The following FMN2 variants were observed in gnomAD, a reference collection of about 807,000 sequenced individuals.
FMN2 encodes the protein formin-2.
A neutral mutation model predicts 142.3 loss-of-function variants in FMN2; 51 were observed. The observed-to-expected ratio is 0.36, with a 90% CI of 0.29 to 0.45. FMN2 has a LOEUF of 0.45. Ranked by LOEUF, FMN2 falls within the 20% of genes least tolerant of loss-of-function variation. The probability of loss-of-function intolerance (pLI) is 1.00; values close to 1 mark genes in which losing one functional copy is unlikely to be tolerated. For synonymous variants in FMN2, 882 were observed against 869.8 expected (o/e 1.01, Z -0.25); for missense variants, 1,936 against 2,122.8 (o/e 0.91, Z 1.73).
intron 11 of FMN2, 71 bp from the exon 12 acceptor site, chr1:240,333,816 C>T: frequency 1.7e-6 from 2 of 1,208,060 alleles, no homozygotes; most frequent in South Asian, 1.5e-5. Flanking sequence ...TCACTAGAAT[C>T]TTTTTTGGTA....
intron 6 of FMN2, among the ~76,000 whole-genome samples, chr1:240,253,950 G>T (rs560438708): frequency 6.6e-6 from 1 of 152,294 alleles, no homozygotes; most frequent in Non-Finnish European, 1.5e-5. Context: ...TGATGAGGAT[G>T]CTAGGTGGGC....
At chr1:240,318,172 T>C (rs1324828664) in intron 8 of FMN2, among the ~76,000 whole-genome samples, 1 of 152,192 alleles carries the variant, frequency 6.6e-6, no homozygotes, top group Non-Finnish European at 1.5e-5. Flanking sequence ...GGCCCCCAGA[T>C]ACCAGGTTGA....
chr1:240,361,136 T>TAAATAA (rs1558452443), intron 14 of FMN2, among the ~76,000 whole-genome samples: 8 of 19,590 alleles, frequency 4.1e-4, no homozygotes, highest in African/African-American at 3.2e-3. Context: ...TAAATAAATA[T>TAAATAA]ATGTGTATAT....
chr1:240,286,597 T>A (rs1669598576), intron 7 of FMN2, among the ~76,000 whole-genome samples: 1 of 152,186 alleles, frequency 6.6e-6, no homozygotes, highest in African/African-American at 2.4e-5. Flanking sequence ...CATCTCATCT[T>A]CTTTCTTCCA....
intron 1 of FMN2, among the ~76,000 whole-genome samples, chr1:240,103,788 T>C (rs1661494863): frequency 6.6e-6 from 1 of 152,196 alleles, no homozygotes; most frequent in Admixed American, 6.5e-5. Flanking sequence ...TGGGTTCCGG[T>C]ATAGAAACAT....
chr1:240,361,862 T>G (rs1177595024), intron 14 of FMN2, among the ~76,000 whole-genome samples: 3 of 152,142 alleles, frequency 2.0e-5, no homozygotes, highest in Non-Finnish European at 4.4e-5. Flanking sequence ...GAGAATAGCA[T>G]TTTTAGGATG....
chr1:240,250,699 G>C (rs148055053), intron 6 of FMN2, among the ~76,000 whole-genome samples: 4 of 152,044 alleles, frequency 2.6e-5, no homozygotes, highest in Non-Finnish European at 5.9e-5. Flanking sequence ...GAATTTGGCA[G>C]TGACACCATC....
intron 8 of FMN2, among the ~76,000 whole-genome samples, chr1:240,309,453 A>C (rs1232721136): frequency 6.6e-6 from 1 of 152,176 alleles, no homozygotes; most frequent in Non-Finnish European, 1.5e-5. Flanking sequence ...CTCAGGGCAC[A>C]GGCAAGCCTT....
In FMN2 at chr1:240,361,147, A is replaced by G. The variant is rs1283701031; in HGVS notation, c.4858+5239A>G. 8.0e-3 allele frequency among the ~76,000 whole-genome samples: 120 copies of G among 14,968 alleles called. 3 individuals carry two copies. The highest frequency in any genetic ancestry group is 8.6e-3 in the Non-Finnish European group (84 of 9,750). 9.8% of individuals were successfully genotyped at this position (14,968 alleles called of 152,430 possible). A position where few individuals can be genotyped will look rare whatever the true frequency, so the allele number is the denominator to read the frequency against. ...ATAATAAATAAATATATGTGTATAT[A>G]TATATATATATATATATATATATAT... On this transcript the variant is annotated intron_variant, in intron 14 of 17. Coordinates refer to ENST00000319653, the MANE Select transcript of FMN2 (RefSeq NM_020066.5).
At chr1:240,165,033 C>A (rs917101493) in intron 2 of FMN2, among the ~76,000 whole-genome samples, 1 of 152,092 alleles carries the variant, frequency 6.6e-6, no homozygotes, top group East Asian at 1.9e-4. Flanking sequence ...TTCTTTTTAT[C>A]CTTCTTTGAA....
intron 2 of FMN2, among the ~76,000 whole-genome samples, chr1:240,138,276 T>G (rs1663036537): frequency 6.6e-6 from 1 of 151,896 alleles, no homozygotes; most frequent in Non-Finnish European, 1.5e-5. Flanking sequence ...GAGTAGGGAC[T>G]GAGGGGTGTG....
At chr1:240,272,362 G>A (rs1172121198) in intron 7 of FMN2, among the ~76,000 whole-genome samples, 1 of 141,056 alleles carries the variant, frequency 7.1e-6, no homozygotes, top group African/African-American at 2.5e-5. Context: ...TGTAAAAGGT[G>A]TGGTTTTTGC....
Position 240,092,972 on chromosome 1 carries a change from G to A in FMN2, c.863G>A (p.Arg288Gln). ...DLPESLAAEP[R>Q]EPQQPPSPGG... ...CCCGAGAGCCTGGCCGCCGAGCCCC[G>A]GGAGCCCCAGCAACCGCCGTCCCCC... Residue 288 changes from arginine (R) to glutamine (Q), a missense_variant, in exon 1 of 18, where the codon CGG becomes CAG. Physicochemically the swap from Arg to Gln is conservative, Grantham distance 43. Coordinates refer to ENST00000319653, the MANE Select transcript of FMN2 (RefSeq NM_020066.5). 8 of 1,408,152 alleles carry A rather than the reference G, an allele frequency of 5.7e-6. No individual in the cohort carries two copies. Among genetic ancestry groups the A allele is most frequent in the Non-Finnish European group, 7.3e-6 (8 of 1,089,492 alleles). 87.2% of individuals were successfully genotyped at this position (1,408,152 alleles called of 1,614,324 possible).
At chr1:240,259,561 A>G (rs982269545) in intron 7 of FMN2, among the ~76,000 whole-genome samples, 1 of 149,374 alleles carries the variant, frequency 6.7e-6, no homozygotes, top group African/African-American at 2.5e-5. Flanking sequence ...CCTGCAGGTA[A>G]AGTCCTATTC....
At chr1:240,372,422 G>A (rs933732169) in intron 14 of FMN2, among the ~76,000 whole-genome samples, 6 of 151,878 alleles carry the variant, frequency 4.0e-5, no homozygotes, top group African/African-American at 1.5e-4. Context: ...AAATATGATA[G>A]GGAAGAATTG....
chr1:240,266,951 A>G lies in FMN2; in HGVS notation c.4153+8919A>G, dbSNP rs144610617. 3.4e-4 allele frequency among the ~76,000 whole-genome samples: 52 copies of G among 152,256 alleles called. 1 individual carries two copies. The highest frequency in any genetic ancestry group is 9.4e-4 in the African/African-American group (39 of 41,558). On this transcript the variant is annotated intron_variant, in intron 7 of 17. Transcript: ENST00000319653. Reference sequence around the variant, plus strand: ...CATCACATATAAAAATTAACTCAAGATGGATTAAAGAGTTAAATGTAAGAC... The same window carrying G: ...CATCACATATAAAAATTAACTCAAGGTGGATTAAAGAGTTAAATGTAAGAC...
At chr1:240,202,437 G>A (rs909879331) in intron 4 of FMN2, among the ~76,000 whole-genome samples, 2 of 152,114 alleles carry the variant, frequency 1.3e-5, no homozygotes, top group African/African-American at 4.8e-5. Context: ...CATGTAGAAA[G>A]AGGTGTAATA....
chr1:240,449,142 CA>C (rs35957230), intron 16 of FMN2, among the ~76,000 whole-genome samples: 26,810 of 137,262 alleles, frequency 0.2, 2,487 homozygotes, highest in African/African-American at 0.24. Context: ...GACCCTGTCT[CA>C]AAAAAAAAAA....
At chr1:240,151,004 A>G (rs1456223869) in intron 2 of FMN2, among the ~76,000 whole-genome samples, 1 of 152,238 alleles carries the variant, frequency 6.6e-6, no homozygotes, top group Non-Finnish European at 1.5e-5. Flanking sequence ...TAAGAAATAT[A>G]TGGTAGAAAT....
Sources: allele counts gnomAD v4.1 joint callset (sites outside exome capture counted in the v4.1 genomes callset), GRCh38; gene constraint gnomAD v4.1.1; transcripts MANE v1.5; gene names NCBI Gene and HGNC (gene_info 2026-07-23, HGNC 2026-07-21).